CRTAC1: variants seen among roughly 807,000 people sequenced by gnomAD.
CRTAC1 encodes the protein cartilage acidic protein 1.
In CRTAC1, 37 loss-of-function variants were observed where a neutral mutation model predicts 67.8. The ratio of observed to expected loss-of-function variants is 0.55; its 90% CI spans 0.42 to 0.72. The LOEUF is 0.72. Ranked by LOEUF, CRTAC1 falls within the 30% of genes least tolerant of loss-of-function variation. The probability of loss-of-function intolerance (pLI) is 0.00; values close to 1 mark genes in which losing one functional copy is unlikely to be tolerated. For synonymous variants in CRTAC1, 348 were observed against 371.0 expected, an observed-to-expected ratio of 0.94 and a Z score of 0.71; for missense variants, 780 against 931.6, an observed-to-expected ratio of 0.84 and a Z score of 2.12.
intron 9 of CRTAC1, among the ~76,000 whole-genome samples, chr10:97,896,253 T>C (rs1322617426): frequency 1.3e-5 from 2 of 152,240 alleles, no homozygotes; most frequent in Non-Finnish European, 2.9e-5. Context: ...CATGGTCTTC[T>C]TTCTGGTCTT....
intron 2 of CRTAC1, among the ~76,000 whole-genome samples, chr10:97,984,970 A>G (rs1276991873): frequency 6.6e-6 from 1 of 152,230 alleles, no homozygotes; most frequent in Non-Finnish European, 1.5e-5. Context: ...CAATCCTTGC[A>G]TTGCTCTGCC....
intron 2 of CRTAC1, among the ~76,000 whole-genome samples, chr10:97,970,860 C>A (rs2136652689): frequency 6.6e-6 from 1 of 152,314 alleles, no homozygotes; most frequent in East Asian, 1.9e-4. Flanking sequence ...TTGAATGAAT[C>A]ATTCATCTAT....
chr10:97,988,761 A>G (rs1175641694), intron 2 of CRTAC1, among the ~76,000 whole-genome samples: 2 of 152,194 alleles, frequency 1.3e-5, no homozygotes, highest in Middle Eastern at 3.2e-3. Context: ...AGTACTGGCT[A>G]ATATCTGAGT....
rs2050448853 is a variant in CRTAC1, at chr10:97,895,784, C to G, written c.1317+101G>C. The G allele has an allele frequency of 2.1e-6, 2 of 939,386 alleles. No homozygotes were observed. Among genetic ancestry groups the G allele is most frequent in the Non-Finnish European group, 3.3e-6 (2 of 615,242 alleles). The allele number at this position is 939,386 out of a possible 1,614,324, so 58.2% of individuals were successfully genotyped here. ...AGGGCCCGGGACTTCCATTACCCAC[C>G]ATGCTGGCCAAGCCAGCACCCCGGC... On this transcript the variant is annotated intron_variant, in intron 10 of 14. Coordinates refer to ENST00000370597, the MANE Select transcript of CRTAC1 (RefSeq NM_018058.7). This position sits in a 1 kb window ranked among gnomAD's most constrained non-coding sequence, Gnocchi z 4.2.
intron 6 of CRTAC1, among the ~76,000 whole-genome samples, chr10:97,907,459 G>C (rs2050629161): frequency 6.6e-6 from 1 of 152,192 alleles, no homozygotes; most frequent in Admixed American, 6.5e-5. Context: ...CTGGGGGCCT[G>C]GGGCACTATT....
chr10:98,000,252 G>A (rs1344927929), intron 2 of CRTAC1, among the ~76,000 whole-genome samples: 4 of 152,210 alleles, frequency 2.6e-5, no homozygotes, highest in African/African-American at 9.6e-5. Context: ...GAGAAGGAGA[G>A]AAGAGCTGTG....
chr10:97,908,238 G>A lies in CRTAC1; in HGVS notation c.716-91C>T, dbSNP rs1028259329. ...CTGCCTCTGAGGCCTGAGGGGAACT[G>A]CAGCAGAGGCTCCTCAGAGGAGCCT... is the stretch of plus-strand genomic sequence containing the variant. On this transcript the variant is annotated intron_variant, in intron 5 of 14. Coordinates refer to ENST00000370597, the MANE Select transcript of CRTAC1 (RefSeq NM_018058.7). The A allele has an allele frequency of 2.2e-6, 3 of 1,388,386 alleles. No homozygotes were observed. In the Admixed American group the frequency reaches 6.0e-5, roughly 28 times the overall value. The allele number at this position is 1,388,386 out of a possible 1,614,324, so 86.0% of individuals were successfully genotyped here.
intron 14 of CRTAC1, 75 bp from the exon 15 acceptor site, chr10:97,865,789 G>A: frequency 1.6e-6 from 2 of 1,243,146 alleles, no homozygotes; most frequent in South Asian, 2.9e-5. Flanking sequence ...ACCCGCTTCT[G>A]AGTCATTCTT....
intron 14 of CRTAC1, among the ~76,000 whole-genome samples, chr10:97,873,521 C>T (rs1317453774): frequency 6.6e-6 from 1 of 152,188 alleles, no homozygotes; most frequent in Non-Finnish European, 1.5e-5. Context: ...GTCCTTCTGC[C>T]ATGGTCTCCA....
intron 2 of CRTAC1, among the ~76,000 whole-genome samples, chr10:97,988,488 G>A (rs148877659): frequency 0.014 from 2,171 of 152,212 alleles, 62 homozygotes; most frequent in African/African-American, 0.05. Flanking sequence ...TTGGGAGGCC[G>A]AGGCAGGCGG....
At chr10:97,989,018 G>A (rs1036862639) in intron 2 of CRTAC1, among the ~76,000 whole-genome samples, 1 of 152,198 alleles carries the variant, frequency 6.6e-6, no homozygotes, top group African/African-American at 2.4e-5. Context: ...AGAAAAACAC[G>A]CAGAGGAAGG....
rs140053735 is a variant in CRTAC1 at position 97,886,733 on chromosome 10, C to T, written c.1487-2382G>A. ...GATCTCAGCTCACTGCAACCTCCCC[C>T]TCCCAGGTTGAAGCCATTCTCCTGC... On this transcript the variant is annotated intron_variant, in intron 11 of 14. Transcript: ENST00000370597. 2.8e-3 allele frequency among the ~76,000 whole-genome samples: 428 copies of T among 151,810 alleles called. 7 individuals are homozygous for T. The highest frequency in any genetic ancestry group is 0.018 in the East Asian group (91 of 5,160).
intron 6 of CRTAC1, among the ~76,000 whole-genome samples, chr10:97,905,031 C>T (rs185479144): frequency 1.5e-3 from 233 of 152,100 alleles, no homozygotes; most frequent in Non-Finnish European, 2.2e-3. Context: ...GACTTGTGTT[C>T]AAGCTGTGTT....
chr10:97,935,799 G>T (rs2051077304), intron 3 of CRTAC1, among the ~76,000 whole-genome samples: 1 of 152,158 alleles, frequency 6.6e-6, no homozygotes, highest in African/African-American at 2.4e-5. Context: ...TCCGATCACG[G>T]CATAACCCAG....
At chr10:98,017,700 A>ATT (rs397846855) in intron 1 of CRTAC1, among the ~76,000 whole-genome samples, 14 of 129,168 alleles carry the variant, frequency 1.1e-4, no homozygotes, top group African/African-American at 2.8e-4. Flanking sequence ...ACTCCTGGCT[A>ATT]TTTTTTTTTT....
intron 1 of CRTAC1, among the ~76,000 whole-genome samples, chr10:98,017,352 C>G (rs17442418): frequency 0.051 from 7,797 of 152,178 alleles, 312 homozygotes; most frequent in Admixed American, 0.12. Flanking sequence ...GCAGCCCAGA[C>G]AAGGCGAAGC....
In CRTAC1 at chr10:97,905,576, C is replaced by T. The variant is rs11813960; in HGVS notation, c.851-762G>A. Among the ~76,000 whole-genome samples the T allele has an allele frequency of 3.2e-3, 487 of 152,298 alleles. 3 individuals are homozygous for T. Among genetic ancestry groups the T allele is most frequent in the African/African-American group, 0.011 (465 of 41,568 alleles). ...CCTTTGTGGTTGACTTGTTAGGGTC[C>T]GGTTTTCCCACTATCCCTGACGTTC... is the stretch of plus-strand genomic sequence containing the variant. On this transcript the variant is annotated intron_variant, in intron 6 of 14. Transcript: ENST00000370597.
intron 2 of CRTAC1, among the ~76,000 whole-genome samples, chr10:97,978,957 G>A (rs764862646): frequency 3.9e-5 from 6 of 152,122 alleles, no homozygotes; most frequent in Non-Finnish European, 8.8e-5. Flanking sequence ...CCAGTGATTT[G>A]ATGAATTCAC....
chr10:97,918,752 TG>T (rs2050794308), intron 4 of CRTAC1, among the ~76,000 whole-genome samples: 1 of 151,942 alleles, frequency 6.6e-6, no homozygotes, highest in Non-Finnish European at 1.5e-5. Flanking sequence ...TCCACCTAAC[TG>T]GTCAGTGACT....
Sources: gnomAD v4.1 joint callset for allele counts (sites outside exome capture counted in the v4.1 genomes callset) on GRCh38, gnomAD v4.1.1 for gene constraint, Gnocchi (gnomAD v3.1) non-coding constraint, MANE v1.5 for transcripts, NCBI Gene and HGNC (gene_info 2026-07-23, HGNC 2026-07-21) for gene names.